Variants in RIC8A observed in about 807,000 individuals in gnomAD.
The protein encoded by RIC8A is chaperone Ric-8A.
A neutral mutation model predicts 48.4 loss-of-function variants in RIC8A; 37 were observed. The observed-to-expected ratio is 0.77, with a 90% CI of 0.59 to 1.01. The LOEUF (loss-of-function observed/expected upper bound fraction) is 1.01. Among genes scored for constraint, RIC8A ranks in the 50% least tolerant of loss-of-function variants. The pLI is 0.00. For synonymous variants in RIC8A, 288 were observed against 283.4 expected, an observed-to-expected ratio of 1.02 and a Z score of -0.16; for missense variants, 681 against 696.8, an observed-to-expected ratio of 0.98 and a Z score of 0.25.
chr11:211,682 C>T lies in RIC8A; in HGVS notation c.969+333C>T, dbSNP rs568213912. 54 of 211,934 alleles carry T rather than the reference C, an allele frequency of 2.5e-4. No individual in the cohort carries two copies. The highest frequency in any genetic ancestry group is 1.5e-4 in the Non-Finnish European group (16 of 105,304). The allele number at this position is 211,934 out of a possible 1,614,324, so 13.1% of individuals were successfully genotyped here. A position where few individuals can be genotyped will look rare whatever the true frequency, so the allele number is the denominator to read the frequency against. The stretch of plus-strand genomic sequence containing the variant: ...CTTGATTACAAGCATAGTTGTCCCT[C>T]AGCATCCTGAGGAGACCCATAGGAA... On this transcript the variant is annotated intron_variant, in intron 5 of 9. Coordinates refer to ENST00000526104, the MANE Select transcript of RIC8A (RefSeq NM_001286134.2). The surrounding 1 kb of genome is among the most constrained non-coding windows in gnomAD (Gnocchi z 4.0).
rs759434139 is a variant in RIC8A, at chr11:209,128, G to A, written c.85-143G>A. The A allele has an allele frequency of 8.1e-6, 9 of 1,113,556 alleles. No homozygotes were observed. In the African/African-American group the frequency reaches 1.4e-4, roughly 17 times the overall value. 69.0% of individuals were successfully genotyped at this position (1,113,556 alleles called of 1,614,324 possible). On this transcript the variant is annotated intron_variant, in intron 1 of 9. Coordinates refer to ENST00000526104, the MANE Select transcript of RIC8A (RefSeq NM_001286134.2). ...GGGGTGCACCCGTTGGGTGGCAGGC[G>A]TGTAGGGATGGGGGCGAGTGCCGAC... is the stretch of plus-strand genomic sequence containing the variant.
In RIC8A at chr11:211,294, T is replaced by A; in HGVS notation, c.914T>A (p.Val305Glu). ...GGAGACTCCACGGAGTTCATGGGAGTGAATATGGATGTGATTCGTGCCCTC... is the reference window on the plus strand; with the variant it reads ...GGAGACTCCACGGAGTTCATGGGAGAGAATATGGATGTGATTCGTGCCCTC... ...PHGDSTEFMG[V>E]NMDVIRALLI... Residue 305 changes from valine to glutamate, a missense_variant, in exon 5 of 10, where the codon GTG (valine) becomes GAG (glutamate). Transcript: ENST00000526104. This position sits in a 1 kb window ranked among gnomAD's most constrained non-coding sequence, Gnocchi z 4.0. 1 of 1,613,918 alleles carries A rather than the reference T, an allele frequency of 6.2e-7. No homozygotes were observed. Among genetic ancestry groups the A allele is most frequent in the Non-Finnish European group, 8.5e-7 (1 of 1,179,944 alleles).
In RIC8A at chr11:208,920, G is replaced by C. The variant is rs1188548309; in HGVS notation, c.66G>C (p.Leu22=). 3.1e-6 allele frequency: 5 copies of C among 1,610,552 alleles called. No homozygotes were observed. Among genetic ancestry groups the C allele is most frequent in the Non-Finnish European group, 4.2e-6 (5 of 1,179,048 alleles). ...AGGAGGATGTGATTATGGAAGCTCTGCGGTCATACAACCAGGAGGTAAGCG... is the reference window on the plus strand; with the variant it reads ...AGGAGGATGTGATTATGGAAGCTCTCCGGTCATACAACCAGGAGGTAAGCG... ...TGEEDVIMEA[L]RSYNQEHSQS... is the part of the protein sequence containing the mutation. Residue 22 remains leucine (L), a synonymous_variant, in exon 1 of 10, where the codon CTG becomes CTC. Transcript: ENST00000526104. This position sits in a 1 kb window ranked among gnomAD's most constrained non-coding sequence, Gnocchi z 4.8.
At chr11:210,695 T>C (rs775673040) in intron 4 of RIC8A, 33 bp downstream of exon 4, 54 of 1,594,414 alleles carry the variant, frequency 3.4e-5, no homozygotes, top group African/African-American at 1.7e-4. Flanking sequence ...GAGGGAAGTG[T>C]GCCCACATGT....
At position 208,486 on chromosome 11, in the gene RIC8A, T is replaced by A. The variant is rs952750959; in HGVS notation, c.-369T>A. ...TTCCACTTCGGCTTTCCCCTCTACA[T>A]CCCATCGGTTCTGTGGAGCTCGAGG... On this transcript the variant is annotated 5_prime_UTR_variant, in exon 1 of 10. Coordinates refer to ENST00000526104, the MANE Select transcript of RIC8A (RefSeq NM_001286134.2). This position sits in a 1 kb window ranked among gnomAD's most constrained non-coding sequence, Gnocchi z 4.8. The A allele has an allele frequency of 5.4e-5, 11 of 203,066 alleles. No homozygotes were observed. The highest frequency in any genetic ancestry group is 1.1e-4 in the Non-Finnish European group (11 of 102,640). 12.6% of individuals were successfully genotyped at this position (203,066 alleles called of 1,614,324 possible).
chr11:208,763 G>C lies in RIC8A; in HGVS notation c.-92G>C, dbSNP rs1359679588. 12 of 981,794 alleles carry C rather than the reference G, an allele frequency of 1.2e-5. No individual in the cohort carries two copies. The highest frequency in any genetic ancestry group is 3.2e-4 in the Middle Eastern group (1 of 3,080). 60.8% of individuals were successfully genotyped at this position (981,794 alleles called of 1,614,324 possible). On this transcript the variant is annotated 5_prime_UTR_variant, in exon 1 of 10. Transcript: ENST00000526104. The surrounding 1 kb of genome is among the most constrained non-coding windows in gnomAD (Gnocchi z 4.8). Reference sequence around the variant, plus strand: ...CGCCCCGTCCCGGCCTCCCCCGCGCGCTGGCGCGGGGCTTTCTGGGCCAGG... The same window carrying C: ...CGCCCCGTCCCGGCCTCCCCCGCGCCCTGGCGCGGGGCTTTCTGGGCCAGG...
intron 3 of RIC8A, 108 bp from the exon 4 acceptor site, chr11:210,463 T>TGCACAGTCATTGCC: frequency 9.6e-7 from 1 of 1,046,892 alleles, no homozygotes; most frequent in Non-Finnish European, 1.5e-6. Context: ...GTACAGGAGG[T>TGCACAGTCATTGCC]GCACAGTCAT....
chr11:212,323 A>G, intron 5 of RIC8A, 93 bp from the exon 6 acceptor site: 1 of 1,230,490 alleles, frequency 8.1e-7, no homozygotes, highest in Non-Finnish European at 1.2e-6. Flanking sequence ...GCTGTTGTGT[A>G]TGTTGGTGGG....
Position 209,707 on chromosome 11 carries a change from A to G in RIC8A, c.433A>G (p.Thr145Ala). 1 of 1,614,012 alleles carries G rather than the reference A, an allele frequency of 6.2e-7. No homozygotes were observed. The highest frequency in any genetic ancestry group is 8.5e-7 in the Non-Finnish European group (1 of 1,180,010). ...AAEARLVVKL[T>A]ERVGLYRERS... ...AGAGGCCCGCCTAGTGGTGAAGCTCACAGAGCGTGTGGGGCTGTACCGTGA... is the reference window on the plus strand; with the variant it reads ...AGAGGCCCGCCTAGTGGTGAAGCTCGCAGAGCGTGTGGGGCTGTACCGTGA... Residue 145 changes from threonine (T) to alanine (A), a missense_variant, in exon 3 of 10, where the codon ACA becomes GCA. Physicochemically the swap from Thr to Ala is moderately conservative, Grantham distance 58 (BLOSUM62 0). Transcript: ENST00000526104.
At chr11:214,115 C>G (rs1463641498) in intron 9 of RIC8A, 115 bp from the exon 10 acceptor site, 1 of 1,249,214 alleles carries the variant, frequency 8.0e-7, no homozygotes, top group Non-Finnish European at 1.1e-6. Context: ...CAGGCTTCCC[C>G]AGTAAATGGG....
intron 4 of RIC8A, chr11:210,982 G>C: frequency 1.6e-6 from 1 of 610,276 alleles, no homozygotes; most frequent in East Asian, 2.8e-5. Context: ...CGGGGAGGCA[G>C]TGTGTCTCAG....
chr11:214,141 A>C (rs1855462645), intron 9 of RIC8A, 89 bp from the exon 10 acceptor site: 1 of 1,459,062 alleles, frequency 6.9e-7, no homozygotes, highest in South Asian at 1.3e-5. Flanking sequence ...CCTACTTGGT[A>C]GAGAGGAAGG....
intron 8 of RIC8A, 156 bp from the exon 9 acceptor site, chr11:213,143 G>A (rs1214238121): frequency 2.2e-6 from 3 of 1,361,728 alleles, no homozygotes; most frequent in Non-Finnish European, 3.0e-6. Context: ...CCAGAAGGTG[G>A]CAGATGGCAG....
intron 9 of RIC8A, 41 bp downstream of exon 9, chr11:213,459 G>T: frequency 6.4e-7 from 1 of 1,552,692 alleles, no homozygotes; most frequent in South Asian, 1.2e-5. Flanking sequence ...CTGGGAGAAG[G>T]GAGAGCTGAC....
Position 213,337 on chromosome 11 carries a change from C to G in RIC8A, c.1394C>G (p.Pro465Arg). The change falls in exon 9 of 10, where the codon CCT becomes CGT. Residue 465 changes from proline to arginine, a missense_variant. By Grantham distance (103) the Pro-to-Arg change is moderately radical. Transcript: ENST00000526104. ...ACCGGGAGGGTGGAGGAGAAGCCGC[C>G]TAACCCTATGGAGGGCATGACAGAG... ...PVTGRVEEKP[P>R]NPMEGMTEEQ... 1 of 1,613,862 alleles carries G rather than the reference C, an allele frequency of 6.2e-7. No homozygotes were observed. Among genetic ancestry groups the G allele is most frequent in the Non-Finnish European group, 8.5e-7 (1 of 1,179,898 alleles).
At chr11:213,237 G>GCTTGC in intron 8 of RIC8A, 62 bp from the exon 9 acceptor site, 1 of 1,599,116 alleles carries the variant, frequency 6.3e-7, no homozygotes, top group Non-Finnish European at 8.5e-7. Flanking sequence ...AAAATAGGTG[G>GCTTGC]CTTGCCTCCT....
Position 213,403 on chromosome 11 carries a change from T to G in RIC8A, c.1460T>G (p.Phe487Cys). The change falls in exon 9 of 10, where the codon TTT becomes TGT. Residue 487 changes from phenylalanine (F) to cysteine (C), a missense_variant. Phe to Cys is a radical substitution (Grantham distance 205, BLOSUM62 -2). Coordinates refer to ENST00000526104, the MANE Select transcript of RIC8A (RefSeq NM_001286134.2). ...EHEAMKLVTMFDKLSRNRVIQ... is the reference protein window; with the variant it reads ...EHEAMKLVTMCDKLSRNRVIQ... ...GAGGCCATGAAGCTGGTGACCATGT[T>G]TGACAAGCTCTCCAGGTGTGTGGCA... 6.3e-7 allele frequency: 1 copy of G among 1,592,858 alleles called. No homozygotes were observed. Among genetic ancestry groups the G allele is most frequent in the South Asian group, 1.1e-5 (1 of 88,290 alleles).
chr11:214,106 A>G (rs1855461424), intron 9 of RIC8A, 124 bp from the exon 10 acceptor site: 8 of 1,157,700 alleles, frequency 6.9e-6, no homozygotes, highest in Non-Finnish European at 9.7e-6. Context: ...AGGTCCAACC[A>G]GGCTTCCCCA....
At chr11:213,560 T>C in intron 9 of RIC8A, 142 bp downstream of exon 9, 2 of 1,188,028 alleles carry the variant, frequency 1.7e-6, no homozygotes, top group Non-Finnish European at 2.3e-6. Flanking sequence ...TTGAAATCAC[T>C]TGCCCTGGAG....
Sources: allele counts gnomAD v4.1 joint callset, GRCh38; gene constraint gnomAD v4.1.1; non-coding constraint Gnocchi (gnomAD v3.1); transcripts MANE v1.5; gene names NCBI Gene and HGNC (gene_info 2026-07-23, HGNC 2026-07-21).